Variants in PRRG4 observed in about 807,000 individuals in gnomAD.
PRRG4 encodes transmembrane gamma-carboxyglutamic acid protein 4.
A neutral mutation model predicts 20.0 loss-of-function variants in PRRG4; 12 were observed. The ratio of observed to expected loss-of-function variants is 0.60; its 90% CI spans 0.38 to 0.97. The LOEUF is 0.97. PRRG4 is among the 50% of genes least tolerant of loss of function. The pLI is 0.00. For missense variants in PRRG4, 199 were observed against 265.1 expected (o/e 0.75, Z 1.73); for synonymous variants, 94 against 96.4 (o/e 0.98, Z 0.15).
At chr11:32,838,823 C>A in intron 3 of PRRG4, 59 bp from the exon 4 acceptor site, 1 of 1,300,226 alleles carries the variant, frequency 7.7e-7, no homozygotes, top group South Asian at 1.2e-5. Context: ...TCATTAGGAC[C>A]AAATGAAATG....
chr11:32,841,044 C>A (rs1484688295), intron 5 of PRRG4, among the ~76,000 whole-genome samples: 2 of 150,448 alleles, frequency 1.3e-5, no homozygotes, highest in African/African-American at 4.9e-5. Flanking sequence ...GTAAGTATGG[C>A]TGAGTAGGCG....
chr11:32,850,613 A>G (rs1851174164), intron 5 of PRRG4, among the ~76,000 whole-genome samples: 1 of 152,220 alleles, frequency 6.6e-6, no homozygotes, highest in Non-Finnish European at 1.5e-5. Flanking sequence ...GTAAATACTT[A>G]CTAAAGTACT....
rs761132224 is a variant in PRRG4, at chr11:32,836,662, T to C, written c.108T>C (p.Phe36=). The C allele has an allele frequency of 3.2e-6, 5 of 1,547,866 alleles. No homozygotes were observed. In the Admixed American group the frequency reaches 7.0e-5, roughly 22 times the overall value. ...KASKHAGEEV[F]TSKEEANFFI... ...TCTTTTTCATTACTTTATTAGTGTT[T>C]ACATCAAAAGAAGAAGCAAACTTTT... The change falls in exon 3 of 6, where the codon TTT becomes TTC. Residue 36 remains phenylalanine, a synonymous_variant. Coordinates refer to ENST00000257836, the MANE Select transcript of PRRG4 (RefSeq NM_024081.6).
chr11:32,854,346 A>C lies in PRRG4; in HGVS notation c.*819A>C, dbSNP rs1363847134. 6.6e-6 allele frequency: 1 copy of C among 152,254 alleles called. No homozygotes were observed. The highest frequency in any genetic ancestry group is 1.5e-5 in the Non-Finnish European group (1 of 68,078). 9.4% of individuals were successfully genotyped at this position (152,254 alleles called of 1,614,324 possible). On this transcript the variant is annotated 3_prime_UTR_variant, in exon 6 of 6. Transcript: ENST00000257836. ...ATAGGTGGGCGGATCACCTGAGGTC[A>C]GGAGTTTGAGACCAGCCTGGCCAAC...
intron 4 of PRRG4, among the ~76,000 whole-genome samples, chr11:32,839,854 T>A (rs1010802226): frequency 6.8e-6 from 1 of 146,934 alleles, no homozygotes; most frequent in East Asian, 2.0e-4. Flanking sequence ...TTTAAATATT[T>A]AAAAAATATA....
chr11:32,831,270 G>GAA (rs370065000), intron 2 of PRRG4, among the ~76,000 whole-genome samples: 1 of 150,552 alleles, frequency 6.6e-6, no homozygotes, highest in African/African-American at 2.4e-5. Flanking sequence ...AAAACCAGAA[G>GAA]AAAAAAAAAG....
chr11:32,844,467 C>CTATTATTATTAT (rs148170116), intron 5 of PRRG4, among the ~76,000 whole-genome samples: 2 of 143,174 alleles, frequency 1.4e-5, no homozygotes, highest in East Asian at 2.0e-4. Flanking sequence ...TAAATGTTAG[C>CTATTATTATTAT]TATTATTATT....
Position 32,830,187 on chromosome 11 carries a change from C to A in PRRG4, c.-23+14C>A. The A allele has an allele frequency of 9.5e-7, 1 of 1,052,222 alleles. No individual in the cohort carries two copies. Among genetic ancestry groups the A allele is most frequent in the Non-Finnish European group, 1.1e-6 (1 of 873,790 alleles). The allele number at this position is 1,052,222 out of a possible 1,614,324, so 65.2% of individuals were successfully genotyped here. On this transcript the variant is annotated intron_variant, in intron 1 of 5. Transcript: ENST00000257836. Reference sequence around the variant, plus strand: ...GGGGGGACACAGGTACGAGGCCTGGCGGCAGGACCTCGGCGGGGAGGGGGT... The same window carrying A: ...GGGGGGACACAGGTACGAGGCCTGGAGGCAGGACCTCGGCGGGGAGGGGGT...
chr11:32,853,327 A>G lies in PRRG4; in HGVS notation c.481A>G (p.Thr161Ala). The change falls in exon 6 of 6, where the codon ACT becomes GCT. Residue 161 changes from threonine to alanine, a missense_variant. By Grantham distance (58) the Thr-to-Ala change is moderately conservative. Coordinates refer to ENST00000257836, the MANE Select transcript of PRRG4 (RefSeq NM_024081.6). ...AGCCGTCTATGAAAGGGGGAGGCAC[A>G]CTCCCTCCATCATTTTCAGAAGACC... ...SSAVYERGRH[T>A]PSIIFRRPEE... 1 of 1,612,734 alleles carries G rather than the reference A, an allele frequency of 6.2e-7. No individual in the cohort carries two copies. The highest frequency in any genetic ancestry group is 8.5e-7 in the Non-Finnish European group (1 of 1,178,952).
rs1851242686 is a variant in PRRG4, at chr11:32,858,052, GT to G, written c.*4530del. 4 of 152,054 alleles carry G rather than the reference GT, an allele frequency of 2.6e-5. No homozygotes were observed. In the South Asian group the frequency reaches 8.3e-4, roughly 32 times the overall value. The allele number at this position is 152,054 out of a possible 1,614,324, so 9.4% of individuals were successfully genotyped here. On this transcript the variant is annotated 3_prime_UTR_variant, in exon 6 of 6. Coordinates refer to ENST00000257836, the MANE Select transcript of PRRG4 (RefSeq NM_024081.6). The stretch of plus-strand genomic sequence containing the variant: ...CATATTTTTCCTAAAACTTTACTAT[GT>G]TTTTATTTTAAGAGGTTTCCTGTTA...
At chr11:32,841,197 C>T (rs1235291220) in intron 5 of PRRG4, among the ~76,000 whole-genome samples, 3 of 152,006 alleles carry the variant, frequency 2.0e-5, no homozygotes, top group Non-Finnish European at 4.4e-5. Flanking sequence ...TTTATGATAA[C>T]GATCATTTTA....
At chr11:32,832,921 T>C (rs769803722) in intron 2 of PRRG4, among the ~76,000 whole-genome samples, 26 of 152,320 alleles carry the variant, frequency 1.7e-4, no homozygotes, top group Admixed American at 4.6e-4. Flanking sequence ...ATGGACAGCC[T>C]CTTAGGATAG....
rs1851219763 is a variant in PRRG4, at chr11:32,855,159, C to A, written c.*1632C>A. On this transcript the variant is annotated 3_prime_UTR_variant, in exon 6 of 6. Coordinates refer to ENST00000257836, the MANE Select transcript of PRRG4 (RefSeq NM_024081.6). ...TATGTCTGAACACAAAAGGAAAACA[C>A]CATAATCATATAAACCCATTCTTTG... The A allele has an allele frequency of 6.6e-6, 1 of 152,152 alleles. No homozygotes were observed. The allele number at this position is 152,152 out of a possible 1,614,324, so 9.4% of individuals were successfully genotyped here. A position where few individuals can be genotyped will look rare whatever the true frequency, so the allele number is the denominator to read the frequency against.
rs995094620 is a variant in PRRG4 at position 32,853,604 on chromosome 11, C to A, written c.*77C>A. On this transcript the variant is annotated 3_prime_UTR_variant, in exon 6 of 6. Transcript: ENST00000257836. ...TGGTGGCTCATGCCTGTAATCCCAG[C>A]ACTTTGGGAGGCCAGGAGTTCGAGA... 3.8e-5 allele frequency: 45 copies of A among 1,186,248 alleles called. No homozygotes were observed. In the African/African-American group the frequency reaches 5.8e-4, roughly 15 times the overall value. 73.5% of individuals were successfully genotyped at this position (1,186,248 alleles called of 1,614,324 possible). A position where few individuals can be genotyped will look rare whatever the true frequency, so the allele number is the denominator to read the frequency against.
chr11:32,836,121 ATAAT>A (rs1202802785), intron 2 of PRRG4, among the ~76,000 whole-genome samples: 4 of 152,022 alleles, frequency 2.6e-5, no homozygotes, highest in Non-Finnish European at 4.4e-5. Flanking sequence ...AATAATAATA[ATAAT>A]TAATAACTTA....
At chr11:32,853,250 TA>T in intron 5 of PRRG4, 45 bp from the exon 6 acceptor site, 1 of 1,416,998 alleles carries the variant, frequency 7.1e-7, no homozygotes, top group Non-Finnish European at 9.9e-7. Context: ...CCTCTCAACC[TA>T]AAAATGCTAC....
chr11:32,852,258 G>A (rs1851189494), intron 5 of PRRG4, among the ~76,000 whole-genome samples: 1 of 152,218 alleles, frequency 6.6e-6, no homozygotes, highest in Non-Finnish European at 1.5e-5. Flanking sequence ...GCAGAGAGCT[G>A]TAAAAAATAA....
At chr11:32,842,150 C>G (rs12799094) in intron 5 of PRRG4, among the ~76,000 whole-genome samples, 1 of 151,948 alleles carries the variant, frequency 6.6e-6, no homozygotes, top group Non-Finnish European at 1.5e-5. Context: ...TGTTTCATAT[C>G]CAGATATAAA....
chr11:32,841,442 A>T (rs1231825373), intron 5 of PRRG4, among the ~76,000 whole-genome samples: 1 of 152,218 alleles, frequency 6.6e-6, no homozygotes, highest in Non-Finnish European at 1.5e-5. Context: ...AAAGTAAATG[A>T]CATGACAATT....
Sources: allele counts gnomAD v4.1 joint callset (sites outside exome capture counted in the v4.1 genomes callset), GRCh38; gene constraint gnomAD v4.1.1; transcripts MANE v1.5; gene names NCBI Gene and HGNC (gene_info 2026-07-23, HGNC 2026-07-21).